Variants in GLI2 observed in about 807,000 individuals in gnomAD.
GLI2 encodes GLI family zinc finger 2.
Under a neutral mutation model 78.9 loss-of-function variants are expected in GLI2, and 22 were observed. That is an observed-to-expected ratio of 0.28 (90% CI 0.20 to 0.40). The LOEUF (loss-of-function observed/expected upper bound fraction) is 0.40. Among genes scored for constraint, GLI2 ranks in the 10% least tolerant of loss-of-function variants. The pLI is 1.00. For missense variants in GLI2, 2,097 were observed against 2,213.2 expected, an observed-to-expected ratio of 0.95 and a Z score of 1.05; for synonymous variants, 974 against 963.7, an observed-to-expected ratio of 1.01 and a Z score of -0.20.
intron 6 of GLI2, 83 bp downstream of exon 6, chr2:120,968,998 G>A (rs1274336504): frequency 2.8e-5 from 28 of 1,001,214 alleles, no homozygotes; most frequent in Middle Eastern, 2.1e-4. Flanking sequence ...TTCAGTGGGC[G>A]CTTTTGACCC....
chr2:120,822,304 G>T (rs955416938), intron 2 of GLI2, among the ~76,000 whole-genome samples: 1 of 152,230 alleles, frequency 6.6e-6, no homozygotes, highest in Non-Finnish European at 1.5e-5. Flanking sequence ...AGTGTGCTAT[G>T]GGCATAGTGC....
rs1401104253 is a variant in GLI2, at chr2:120,945,990, C to CACACACACACACAT, written c.255-5252_255-5251insCACACACACACATA. Among the ~76,000 whole-genome samples the CACACACACACACAT allele has an allele frequency of 2.0e-4, 30 of 151,692 alleles. 2 individuals carry two copies. Among genetic ancestry groups the CACACACACACACAT allele is most frequent in the Non-Finnish European group, 5.9e-5 (4 of 67,954 alleles). ...ACACACACACACACACACACACACA[C>CACACACACACACAT]AGCTTTGTGCTCCAGCCTTTCTTTG... On this transcript the variant is annotated intron_variant, in intron 3 of 13. Coordinates refer to ENST00000361492, the MANE Select transcript of GLI2 (RefSeq NM_001374353.1).
intron 3 of GLI2, 103 bp downstream of exon 3, chr2:120,927,569 G>A: frequency 1.2e-6 from 1 of 814,124 alleles, no homozygotes. Context: ...TCTTTCTTTT[G>A]GGGGTTCCTG....
At chr2:120,793,186 C>T (rs1054446663) in intron 1 of GLI2, among the ~76,000 whole-genome samples, 7 of 152,234 alleles carry the variant, frequency 4.6e-5, no homozygotes, top group African/African-American at 1.7e-4. Context: ...GGGGCTTCTC[C>T]GGGCCCTGGG....
At chr2:120,773,782 G>C (rs1003817881) in intron 1 of GLI2, among the ~76,000 whole-genome samples, 1 of 152,110 alleles carries the variant, frequency 6.6e-6, no homozygotes, top group Admixed American at 6.5e-5. Context: ...CAGCCAGGCC[G>C]CTTCATGGAG....
chr2:120,964,608 C>T (rs1387850486), intron 5 of GLI2, among the ~76,000 whole-genome samples: 2 of 152,164 alleles, frequency 1.3e-5, no homozygotes, highest in Admixed American at 6.5e-5. Context: ...CCGGGTCTCC[C>T]GCTTTGCCAC....
intron 2 of GLI2, among the ~76,000 whole-genome samples, chr2:120,874,187 T>C (rs1688611011): frequency 6.6e-6 from 1 of 152,190 alleles, no homozygotes; most frequent in Non-Finnish European, 1.5e-5. Flanking sequence ...GAGCCCGGTC[T>C]GTGCGGGCTC....
chr2:120,831,453 T>G (rs577147942), intron 2 of GLI2, among the ~76,000 whole-genome samples: 1 of 152,318 alleles, frequency 6.6e-6, no homozygotes, highest in Admixed American at 6.5e-5. Flanking sequence ...GGGATGCTGA[T>G]GTCAGGCCAG....
At chr2:120,895,303 G>A (rs1423352721) in intron 2 of GLI2, among the ~76,000 whole-genome samples, 1 of 152,242 alleles carries the variant, frequency 6.6e-6, no homozygotes, top group Non-Finnish European at 1.5e-5. Flanking sequence ...CTTGGATGTG[G>A]CACTGGGGAA....
At position 120,934,123 on chromosome 2, in the gene GLI2, C is replaced by T. The variant is rs955479770; in HGVS notation, c.254+6657C>T. 3.9e-5 allele frequency among the ~76,000 whole-genome samples: 6 copies of T among 152,228 alleles called. 1 individual carries two copies. The highest frequency in any genetic ancestry group is 9.6e-5 in the African/African-American group (4 of 41,452). On this transcript the variant is annotated intron_variant, in intron 3 of 13. Coordinates refer to ENST00000361492, the MANE Select transcript of GLI2 (RefSeq NM_001374353.1). ...ATAGGCCAGAGTTTGGGGACCACTG[C>T]AGGCGCCGCTGCTTGCTTGACGTCC...
At chr2:120,965,126 C>T (rs1383121514) in intron 5 of GLI2, among the ~76,000 whole-genome samples, 1 of 152,158 alleles carries the variant, frequency 6.6e-6, no homozygotes, top group Non-Finnish European at 1.5e-5. Context: ...GAGGAGCACG[C>T]TCCAGCCAGG....
intron 1 of GLI2, among the ~76,000 whole-genome samples, chr2:120,739,666 G>C (rs1226686863): frequency 6.6e-6 from 1 of 152,222 alleles, no homozygotes; most frequent in African/African-American, 2.4e-5. Context: ...AGCTGTTCCC[G>C]CTGGGCCAGG....
At chr2:120,787,169 G>A (rs761268518) in intron 1 of GLI2, among the ~76,000 whole-genome samples, 21 of 152,176 alleles carry the variant, frequency 1.4e-4, no homozygotes, top group Admixed American at 3.3e-4. Flanking sequence ...GTGTCATAGT[G>A]GGTATTGGGG....
At chr2:120,839,169 CG>C (rs1239562075) in intron 2 of GLI2, among the ~76,000 whole-genome samples, 33 of 152,138 alleles carry the variant, frequency 2.2e-4, no homozygotes, top group African/African-American at 7.7e-4. Flanking sequence ...ATTTGCATAC[CG>C]TATGGATTAT....
intron 2 of GLI2, among the ~76,000 whole-genome samples, chr2:120,854,884 T>C (rs1281191879): frequency 3.3e-5 from 5 of 152,220 alleles, no homozygotes; most frequent in Non-Finnish European, 7.3e-5. Flanking sequence ...CTGCTGCTGT[T>C]GGCCCAGAAC....
At position 120,970,570 on chromosome 2, in the gene GLI2, C is replaced by T; in HGVS notation, c.1023C>T (p.Leu341=). 2 of 1,613,140 alleles carry T rather than the reference C, an allele frequency of 1.2e-6. No individual in the cohort carries two copies. Among genetic ancestry groups the T allele is most frequent in the East Asian group, 4.5e-5 (2 of 44,878 alleles). The change falls in exon 7 of 14, where the codon CTC becomes CTT. Residue 341 remains leucine, a synonymous_variant. Transcript: ENST00000361492. ...CCATCAATGCCACGCCCACCCAGCT[C>T]AGCAGCAGCAGCAACTGTCTGAGTG... ...LTSINATPTQ[L]SSSSNCLSDT... is the part of the protein sequence containing the mutation.
Position 120,737,813 on chromosome 2 carries a change from T to G in GLI2, c.-31+1528T>G, listed in dbSNP as rs994268363. Among the ~76,000 whole-genome samples, 1 of 152,230 alleles carries G rather than the reference T, an allele frequency of 6.6e-6. No individual in the cohort carries two copies. Among genetic ancestry groups the G allele is most frequent in the African/African-American group, 2.4e-5 (1 of 41,462 alleles). ...AAATAGTGTTTAAACAAATATTGTATTGGCATGCTCAGGGGGCTCGGTGCC... is the reference window on the plus strand; with the variant it reads ...AAATAGTGTTTAAACAAATATTGTAGTGGCATGCTCAGGGGGCTCGGTGCC... On this transcript the variant is annotated intron_variant, in intron 1 of 13. Coordinates refer to ENST00000361492, the MANE Select transcript of GLI2 (RefSeq NM_001374353.1). The surrounding 1 kb of genome is among the most constrained non-coding windows in gnomAD (Gnocchi z 4.3).
intron 8 of GLI2, 91 bp downstream of exon 8, chr2:120,972,154 C>T: frequency 7.0e-7 from 1 of 1,424,376 alleles, no homozygotes; most frequent in Non-Finnish European, 9.8e-7. Flanking sequence ...GAACGGATGG[C>T]TGGCTGGCTG....
intron 1 of GLI2, among the ~76,000 whole-genome samples, chr2:120,787,248 G>A (rs1684023029): frequency 1.3e-5 from 2 of 152,192 alleles, no homozygotes; most frequent in African/African-American, 2.4e-5. Context: ...TGGAATGGGG[G>A]TGGGGCAGGG....
Sources: allele counts gnomAD v4.1 joint callset (sites outside exome capture counted in the v4.1 genomes callset), GRCh38; gene constraint gnomAD v4.1.1; non-coding constraint Gnocchi (gnomAD v3.1); transcripts MANE v1.5; gene names NCBI Gene and HGNC (gene_info 2026-07-23, HGNC 2026-07-21).